Variants in FAT3 observed in about 807,000 individuals in gnomAD.
FAT3 encodes protocadherin Fat 3.
In FAT3, 95 loss-of-function variants were observed where a neutral mutation model predicts 310.2. The ratio of observed to expected loss-of-function variants is 0.31; its 90% CI spans 0.26 to 0.36. The LOEUF (loss-of-function observed/expected upper bound fraction) is 0.36. Ranked by LOEUF, FAT3 falls within the 10% of genes least tolerant of loss-of-function variation. The probability of loss-of-function intolerance (pLI) is 1.00; values close to 1 mark genes in which losing one functional copy is unlikely to be tolerated. For synonymous variants in FAT3, 2,314 were observed against 2,192.9 expected (o/e 1.06, Z -1.54); for missense variants, 5,408 against 5,715.6 (o/e 0.95, Z 1.74).
At position 92,226,875 on chromosome 11, in the gene FAT3, T is replaced by G. The variant is rs958394771; in HGVS notation, c.-18+1701T>G. Among the ~76,000 whole-genome samples, 11 of 152,216 alleles carry G rather than the reference T, an allele frequency of 7.2e-5. No homozygotes were observed. The East Asian group carries it at 2.1e-3, about 30-fold the overall frequency. ...GGGACGCTGGGACCGCGGTAATGAT[T>G]GAAGTCTTTTTCCCCCCTCTCCCCT... On this transcript the variant is annotated intron_variant, in intron 1 of 27. Transcript: ENST00000525166.
At chr11:92,289,228 G>A (rs1946631978) in intron 1 of FAT3, among the ~76,000 whole-genome samples, 1 of 152,068 alleles carries the variant, frequency 6.6e-6, no homozygotes, top group Non-Finnish European at 1.5e-5. Flanking sequence ...TTAATCTCTT[G>A]GGTCGGATGA....
In FAT3 at chr11:92,805,260, A is replaced by G; in HGVS notation, c.9004A>G (p.Ile3002Val). 1 of 1,613,866 alleles carries G rather than the reference A, an allele frequency of 6.2e-7. No individual in the cohort carries two copies. The highest frequency in any genetic ancestry group is 8.5e-7 in the Non-Finnish European group (1 of 1,179,836). The change falls in exon 11 of 28, where the codon ATC becomes GTC. Residue 3002 changes from isoleucine (I) to valine (V), a missense_variant. Physicochemically the swap from Ile to Val is conservative, Grantham distance 29. Around this residue, in one of 5 missense-constraint regions of FAT3, gnomAD observed 4,588 missense variants for 4,809.8 expected, o/e 0.95. Transcript: ENST00000525166. Reference sequence around the variant, plus strand: ...AGAACAGGACATTTACTTTCTCAATATCACTGCCACTGATGGGCTTTTTGT... The same window carrying G: ...AGAACAGGACATTTACTTTCTCAATGTCACTGCCACTGATGGGCTTTTTGT... ...REEQDIYFLN[I>V]TATDGLFVTQ...
Position 92,798,332 on chromosome 11 carries a change from A to T in FAT3, c.5319A>T (p.Gln1773His). The T allele has an allele frequency of 1.2e-6, 2 of 1,613,748 alleles. No individual in the cohort carries two copies. The highest frequency in any genetic ancestry group is 1.7e-6 in the Non-Finnish European group (2 of 1,179,796). The part of the protein sequence containing the change: ...NDNAPVFLFS[Q>H]YSGSLSEAAP... Reference sequence around the variant, plus strand: ...ATGCCCCAGTTTTTCTCTTTTCTCAATACTCAGGCAGCCTAAGTGAGGCTG... The same window carrying T: ...ATGCCCCAGTTTTTCTCTTTTCTCATTACTCAGGCAGCCTAAGTGAGGCTG... Residue 1773 changes from glutamine to histidine, a missense_variant, in exon 10 of 28, where the codon CAA becomes CAT. Around this residue, in one of 5 missense-constraint regions of FAT3, gnomAD observed 4,588 missense variants for 4,809.8 expected, o/e 0.95. Transcript: ENST00000525166.
At chr11:92,257,233 C>T (rs1865353308) in intron 1 of FAT3, among the ~76,000 whole-genome samples, 1 of 152,078 alleles carries the variant, frequency 6.6e-6, no homozygotes, top group African/African-American at 2.4e-5. Flanking sequence ...CCATTTGTAC[C>T]TAGGATTGTC....
chr11:92,367,039 A>G, intron 2 of FAT3: 1 of 508,126 alleles, frequency 2.0e-6, no homozygotes, highest in Non-Finnish European at 3.9e-6. Flanking sequence ...AATAACATCT[A>G]GCACTGTCCG....
At chr11:92,557,842 A>C (rs959916895) in intron 3 of FAT3, among the ~76,000 whole-genome samples, 1 of 152,238 alleles carries the variant, frequency 6.6e-6, no homozygotes, top group Non-Finnish European at 1.5e-5. Flanking sequence ...TTCTGAATTT[A>C]ATAAGGAAAA....
intron 2 of FAT3, among the ~76,000 whole-genome samples, chr11:92,399,014 C>T (rs1443218348): frequency 2.6e-5 from 4 of 152,146 alleles, no homozygotes; most frequent in African/African-American, 9.7e-5. Context: ...AGCAGGAAAT[C>T]AGGAGCATTA....
rs560971837 is a variant in FAT3 at position 92,472,527 on chromosome 11, A to G, written c.3293-52107A>G. On this transcript the variant is annotated intron_variant, in intron 2 of 27. Transcript: ENST00000525166. ...GACGTAGTATTTGCAGTCAAAAAGA[A>G]AAATAAAACTGCCTAGCTCTGTGGA... Among the ~76,000 whole-genome samples, 7 of 152,340 alleles carry G rather than the reference A, an allele frequency of 4.6e-5. No homozygotes were observed. The East Asian group carries it at 1.4e-3, about 29-fold the overall frequency.
chr11:92,821,427 A>G (rs761181491), intron 13 of FAT3, among the ~76,000 whole-genome samples: 7 of 152,170 alleles, frequency 4.6e-5, no homozygotes, highest in Admixed American at 6.5e-5. Context: ...TCTAACCTGC[A>G]TAGGTCACTG....
chr11:92,240,576 C>CAAAAA (rs570423845), intron 1 of FAT3, among the ~76,000 whole-genome samples: 4,628 of 140,640 alleles, frequency 0.033, 117 homozygotes, highest in South Asian at 0.046. Flanking sequence ...GAAACCCCCC[C>CAAAAA]AAAAAAAAAA....
At chr11:92,761,360 A>C (rs1175059583) in intron 4 of FAT3, among the ~76,000 whole-genome samples, 1 of 152,224 alleles carries the variant, frequency 6.6e-6, no homozygotes, top group Admixed American at 6.5e-5. Flanking sequence ...CACCACCTAA[A>C]GGCCCCACCT....
At chr11:92,303,904 T>C (rs1013805243) in intron 1 of FAT3, among the ~76,000 whole-genome samples, 1 of 152,142 alleles carries the variant, frequency 6.6e-6, no homozygotes, top group African/African-American at 2.4e-5. Context: ...TAGATTCTGA[T>C]AGTAATAAGT....
intron 3 of FAT3, among the ~76,000 whole-genome samples, chr11:92,629,075 A>G (rs1284497142): frequency 6.6e-6 from 1 of 152,250 alleles, no homozygotes; most frequent in East Asian, 1.9e-4. Flanking sequence ...GACAAGAGAA[A>G]GAAGGAAGTA....
In FAT3 at chr11:92,575,466, T is replaced by C. The variant is rs540243038; in HGVS notation, c.3607+50518T>C. On this transcript the variant is annotated intron_variant, in intron 3 of 27. Coordinates refer to ENST00000525166, the MANE Select transcript of FAT3 (RefSeq NM_001367949.2). The stretch of plus-strand genomic sequence containing the variant: ...AATTATTTCTGTATTAGGTCTTTTA[T>C]AACTTCAACTTCATTATCTAAGTAC... Among the ~76,000 whole-genome samples the C allele has an allele frequency of 3.9e-5, 6 of 152,332 alleles. No individual in the cohort carries two copies. The East Asian group carries it at 1.2e-3, about 29-fold the overall frequency.
chr11:92,575,771 T>TACA (rs2135517430), intron 3 of FAT3, among the ~76,000 whole-genome samples: 1 of 152,272 alleles, frequency 6.6e-6, no homozygotes, highest in East Asian at 1.9e-4. Context: ...TTTTTTTGTT[T>TACA]GTTTTTTTAC....
chr11:92,305,806 C>T (rs574599177), intron 1 of FAT3, among the ~76,000 whole-genome samples: 9 of 152,134 alleles, frequency 5.9e-5, no homozygotes, highest in African/African-American at 7.2e-5. Context: ...GGAAATGTCC[C>T]GGATTGGAGG....
chr11:92,760,174 G>A (rs77033296), intron 4 of FAT3, among the ~76,000 whole-genome samples: 877 of 152,282 alleles, frequency 5.8e-3, no homozygotes, highest in Non-Finnish European at 1.0e-2. Context: ...AAAGCAATTG[G>A]GAAAATAACC....
chr11:92,384,760 A>T (rs557883246), intron 2 of FAT3, among the ~76,000 whole-genome samples: 1 of 152,350 alleles, frequency 6.6e-6, no homozygotes, highest in South Asian at 2.1e-4. Context: ...GGAAGAGACC[A>T]GGAGCTGTTT....
chr11:92,427,188 T>C (rs894888859), intron 2 of FAT3, among the ~76,000 whole-genome samples: 10 of 152,096 alleles, frequency 6.6e-5, no homozygotes, highest in African/African-American at 2.2e-4. Flanking sequence ...ATTATTAGCA[T>C]ATAGGAATGC....
Sources: gnomAD v4.1 joint callset for allele counts (sites outside exome capture counted in the v4.1 genomes callset) on GRCh38, gnomAD v4.1.1 for gene constraint, gnomAD v4.1.1 regional missense constraint, MANE v1.5 for transcripts, NCBI Gene and HGNC (gene_info 2026-07-23, HGNC 2026-07-21) for gene names.